PCDH15: variants seen among roughly 807,000 people sequenced by gnomAD.
PCDH15 encodes the protein protocadherin related 15.
PCDH15 carries 129 observed loss-of-function variants against 178.5 expected under a neutral mutation model. That is an observed-to-expected ratio of 0.72 (90% CI 0.63 to 0.84). PCDH15 has a LOEUF of 0.84. Ranked by LOEUF, PCDH15 falls within the 40% of genes least tolerant of loss-of-function variation. The pLI is 0.00. For synonymous variants in PCDH15, 800 were observed against 732.0 expected (o/e 1.09, Z -1.50); for missense variants, 2,230 against 2,099.9 (o/e 1.06, Z -1.21).
At chr10:55,357,742 C>T (rs7897491) in intron 2 of PCDH15, among the ~76,000 whole-genome samples, 84,414 of 151,644 alleles carry the variant, frequency 0.56, 24,204 homozygotes, top group African/African-American at 0.69. Context: ...CATATGCCAG[C>T]CTATAGAGAT....
Position 53,857,242 on chromosome 10 carries a change from C to T in PCDH15, c.3739G>A (p.Asp1247Asn), listed in dbSNP as rs754067299. Residue 1247 changes from aspartate (D) to asparagine (N), a missense_variant, in exon 28 of 38, where the codon GAT becomes AAT. Coordinates refer to ENST00000644397, the MANE Select transcript of PCDH15 (RefSeq NM_001384140.1). ...DVLVSVVNQL[D>N]MQVIVSNVPP... Reference sequence around the variant, plus strand: ...ACATTGGAAACAATGACTTGCATATCCAGCTGATTGACCACGGAGACCTGA... The same window carrying T: ...ACATTGGAAACAATGACTTGCATATTCAGCTGATTGACCACGGAGACCTGA... The T allele has an allele frequency of 1.9e-6, 3 of 1,611,422 alleles. No homozygotes were observed. In the East Asian group the frequency reaches 6.7e-5, roughly 36 times the overall value.
chr10:54,062,079 G>T (rs2094027704), intron 18 of PCDH15, among the ~76,000 whole-genome samples: 2 of 151,594 alleles, frequency 1.3e-5, no homozygotes, highest in African/African-American at 4.8e-5. Context: ...ACAAAAATTT[G>T]CTGGGCATGG....
At chr10:54,573,356 T>C (rs1458556412) in intron 2 of PCDH15, among the ~76,000 whole-genome samples, 3 of 152,196 alleles carry the variant, frequency 2.0e-5, no homozygotes, top group East Asian at 1.9e-4. Flanking sequence ...TACAATAAGG[T>C]ATTTTTAAAT....
At chr10:54,408,917 T>G (rs1953072062) in intron 3 of PCDH15, among the ~76,000 whole-genome samples, 1 of 152,118 alleles carries the variant, frequency 6.6e-6, no homozygotes, top group Admixed American at 6.6e-5. Flanking sequence ...TGATATGGCT[T>G]GGCTATGTCC....
intron 1 of PCDH15, among the ~76,000 whole-genome samples, chr10:55,172,982 C>T (rs945686874): frequency 3.3e-5 from 5 of 151,876 alleles, no homozygotes; most frequent in Non-Finnish European, 5.9e-5. Context: ...TTAAGCAAGT[C>T]AGCTGAATCA....
At chr10:53,877,814 G>A (rs970832581) in intron 26 of PCDH15, among the ~76,000 whole-genome samples, 4 of 152,018 alleles carry the variant, frequency 2.6e-5, no homozygotes, top group African/African-American at 9.7e-5. Context: ...CAAGCATTCT[G>A]ATTTCTACCT....
chr10:55,434,557 A>G (rs1838986756), intron 2 of PCDH15, among the ~76,000 whole-genome samples: 1 of 152,096 alleles, frequency 6.6e-6, no homozygotes, highest in Non-Finnish European at 1.5e-5. Context: ...CTAGCTCTTC[A>G]TTAACATGTT....
At chr10:55,234,364 TGA>T (rs1229373362) in intron 1 of PCDH15, among the ~76,000 whole-genome samples, 1 of 152,086 alleles carries the variant, frequency 6.6e-6, no homozygotes, top group Non-Finnish European at 1.5e-5. Context: ...TCATTTTTAA[TGA>T]GTTAATATGA....
intron 2 of PCDH15, among the ~76,000 whole-genome samples, chr10:55,419,200 C>G (rs1838558358): frequency 1.3e-5 from 2 of 151,566 alleles, no homozygotes; most frequent in Admixed American, 1.3e-4. Flanking sequence ...GGAGGGAGGC[C>G]AGTTTGACGG....
intron 2 of PCDH15, among the ~76,000 whole-genome samples, chr10:55,462,178 C>A (rs1839693952): frequency 6.6e-6 from 1 of 151,992 alleles, no homozygotes; most frequent in Non-Finnish European, 1.5e-5. Flanking sequence ...TATATATTTC[C>A]AAATTCAGTG....
At chr10:54,044,787 T>C (rs1429356777) in intron 18 of PCDH15, among the ~76,000 whole-genome samples, 1 of 152,156 alleles carries the variant, frequency 6.6e-6, no homozygotes, top group Non-Finnish European at 1.5e-5. Flanking sequence ...CAAAATCAGG[T>C]AAACTAAAGC....
chr10:55,112,290 C>T (rs893681942), intron 2 of PCDH15, among the ~76,000 whole-genome samples: 3 of 151,980 alleles, frequency 2.0e-5, no homozygotes, highest in Non-Finnish European at 4.4e-5. Context: ...AAAAGAAAAA[C>T]AAAAACCAGA....
intron 32 of PCDH15, chr10:53,823,490 T>G: frequency 3.4e-6 from 3 of 879,992 alleles, no homozygotes; most frequent in Non-Finnish European, 5.9e-6. Flanking sequence ...ACTAACCTAC[T>G]AAAGCAAGAC....
intron 1 of PCDH15, among the ~76,000 whole-genome samples, chr10:54,739,350 G>A (rs917837930): frequency 2.6e-5 from 4 of 151,278 alleles, no homozygotes; most frequent in Admixed American, 6.6e-5. Context: ...ACAAAAACCC[G>A]GGAATAAATT....
At chr10:55,194,424 T>G (rs1840027180) in intron 1 of PCDH15, among the ~76,000 whole-genome samples, 1 of 152,190 alleles carries the variant, frequency 6.6e-6, no homozygotes, top group Admixed American at 6.5e-5. Context: ...AGATGAACCA[T>G]TTCAATTTTT....
chr10:54,554,972 CT>C, intron 2 of PCDH15, among the ~76,000 whole-genome samples: 1 of 152,012 alleles, frequency 6.6e-6, no homozygotes, highest in African/African-American at 2.4e-5. Flanking sequence ...TGATAGATAA[CT>C]GTAAGCAGAA....
intron 2 of PCDH15, among the ~76,000 whole-genome samples, chr10:55,069,988 T>C (rs1256973594): frequency 2.0e-5 from 3 of 152,114 alleles, no homozygotes; most frequent in Middle Eastern, 3.2e-3. Flanking sequence ...TGTGAGATGG[T>C]ATCTCATTGT....
intron 2 of PCDH15, among the ~76,000 whole-genome samples, chr10:55,490,440 A>C (rs2132127459): frequency 6.6e-6 from 1 of 151,924 alleles, no homozygotes; most frequent in South Asian, 2.1e-4. Context: ...CCATGAATGT[A>C]TAAGCTAAAT....
At chr10:54,905,736 A>G (rs1954707820) in intron 2 of PCDH15, among the ~76,000 whole-genome samples, 1 of 152,146 alleles carries the variant, frequency 6.6e-6, no homozygotes, top group South Asian at 2.1e-4. Context: ...CAATAGTTCC[A>G]TATGGACAAG....
Sources: gnomAD v4.1 joint callset for allele counts (sites outside exome capture counted in the v4.1 genomes callset) on GRCh38, gnomAD v4.1.1 for gene constraint, MANE v1.5 for transcripts, NCBI Gene and HGNC (gene_info 2026-07-23, HGNC 2026-07-21) for gene names.